PRKCE: variants seen among roughly 807,000 people sequenced by gnomAD.
PRKCE encodes the protein protein kinase C epsilon type.
In PRKCE, 16 loss-of-function variants were observed where a neutral mutation model predicts 85.4. That is an observed-to-expected ratio of 0.19 (90% CI 0.13 to 0.28). PRKCE has a LOEUF of 0.28. Ranked by LOEUF, PRKCE falls within the 10% of genes least tolerant of loss-of-function variation. The pLI is 1.00. For synonymous variants in PRKCE, 388 were observed against 371.5 expected, an observed-to-expected ratio of 1.04 and a Z score of -0.51; for missense variants, 573 against 975.2, an observed-to-expected ratio of 0.59 and a Z score of 5.49.
rs919646081 is a variant in PRKCE, at chr2:45,775,365, C to T, written c.349-67635C>T. 3.9e-5 allele frequency among the ~76,000 whole-genome samples: 6 copies of T among 152,184 alleles called. No homozygotes were observed. The East Asian group carries it at 5.8e-4, about 15-fold the overall frequency. On this transcript the variant is annotated intron_variant, in intron 1 of 14. Coordinates refer to ENST00000306156, the MANE Select transcript of PRKCE (RefSeq NM_005400.3). ...GAAGGTGGACTCCACGCAGTCCGCC[C>T]GTTCTCATGCTTCATGCAGTGCTCA...
At chr2:45,768,469 A>G (rs1685075626) in intron 1 of PRKCE, among the ~76,000 whole-genome samples, 1 of 152,140 alleles carries the variant, frequency 6.6e-6, no homozygotes, top group East Asian at 1.9e-4. Flanking sequence ...GAAATGAAGG[A>G]CATTTTAGCT....
intron 11 of PRKCE, among the ~76,000 whole-genome samples, chr2:46,113,458 T>C (rs1013172090): frequency 6.6e-6 from 1 of 152,086 alleles, no homozygotes; most frequent in African/African-American, 2.4e-5. Flanking sequence ...ATCATAGATA[T>C]TATTATTGTC....
intron 1 of PRKCE, chr2:45,686,292 G>A (rs1021113406): frequency 1.3e-5 from 2 of 152,132 alleles, no homozygotes; most frequent in African/African-American, 4.8e-5. Flanking sequence ...CTTCCGTAAG[G>A]GTTTGCAGAA....
intron 10 of PRKCE, among the ~76,000 whole-genome samples, chr2:46,084,347 C>T (rs1669376874): frequency 6.6e-6 from 1 of 152,098 alleles, no homozygotes; most frequent in East Asian, 1.9e-4. Flanking sequence ...AATAAAGAAG[C>T]TCATTGGTAA....
At position 46,186,741 on chromosome 2, in the gene PRKCE, AAAGCTCGGAC is replaced by A. The variant is rs1680476672; in HGVS notation, c.*1862_*1871del. On this transcript the variant is annotated 3_prime_UTR_variant, in exon 15 of 15. Transcript: ENST00000306156. ...AAGGAATGTTTTTGATGGTGGTTTCAAAGCTCGGACAGTAACTATCTTGAGCCCATTAGAG... is the reference window on the plus strand; with the variant it reads ...AAGGAATGTTTTTGATGGTGGTTTCAAGTAACTATCTTGAGCCCATTAGAG... The A allele has an allele frequency of 1.3e-5, 2 of 152,666 alleles. No individual in the cohort carries two copies. Among genetic ancestry groups the A allele is most frequent in the Admixed American group, 1.3e-4 (2 of 15,288 alleles). 9.5% of individuals were successfully genotyped at this position (152,666 alleles called of 1,614,324 possible).
At chr2:45,695,331 C>T (rs6720782) in intron 1 of PRKCE, among the ~76,000 whole-genome samples, 15,983 of 152,178 alleles carry the variant, frequency 0.11, 942 homozygotes, top group East Asian at 0.14. Flanking sequence ...CAGAGTCAGG[C>T]TGGAGGTAGA....
At chr2:45,957,797 G>A (rs765680348) in intron 2 of PRKCE, among the ~76,000 whole-genome samples, 3 of 151,928 alleles carry the variant, frequency 2.0e-5, no homozygotes, top group African/African-American at 4.8e-5. Context: ...CTGTAGCCCC[G>A]CATACTTGGG....
intron 2 of PRKCE, among the ~76,000 whole-genome samples, chr2:45,860,480 G>A (rs1007062746): frequency 6.6e-6 from 1 of 152,202 alleles, no homozygotes; most frequent in African/African-American, 2.4e-5. Context: ...TTTCTAGGGT[G>A]AGAACAGAAT....
intron 1 of PRKCE, among the ~76,000 whole-genome samples, chr2:45,779,925 C>T (rs1686051410): frequency 6.6e-6 from 1 of 152,166 alleles, no homozygotes; most frequent in East Asian, 1.9e-4. Context: ...ATAAATCTCC[C>T]TCAGCTTCAA....
At chr2:45,657,426 T>A (rs479476) in intron 1 of PRKCE, among the ~76,000 whole-genome samples, 1 of 152,042 alleles carries the variant, frequency 6.6e-6, no homozygotes, top group African/African-American at 2.4e-5. Context: ...GAAATGGGTT[T>A]ACTGTGGGGA....
intron 1 of PRKCE, among the ~76,000 whole-genome samples, chr2:45,698,935 G>GT (rs1354824048): frequency 6.6e-6 from 1 of 152,132 alleles, no homozygotes; most frequent in Non-Finnish European, 1.5e-5. Context: ...TCAGTAGTAG[G>GT]TTAAAATTTA....
chr2:45,919,884 A>G (rs1294646179), intron 2 of PRKCE, among the ~76,000 whole-genome samples: 1 of 152,228 alleles, frequency 6.6e-6, no homozygotes, highest in Non-Finnish European at 1.5e-5. Context: ...GCTCAGGCGA[A>G]CACTAGTGCC....
intron 10 of PRKCE, among the ~76,000 whole-genome samples, chr2:46,044,430 G>A (rs755148755): frequency 2.0e-5 from 3 of 152,166 alleles, no homozygotes; most frequent in Non-Finnish European, 2.9e-5. Context: ...TGCTTTGGGG[G>A]CTTTGATTCA....
At chr2:45,988,845 C>T (rs1703561811) in intron 6 of PRKCE, among the ~76,000 whole-genome samples, 1 of 152,204 alleles carries the variant, frequency 6.6e-6, no homozygotes, top group Non-Finnish European at 1.5e-5. Context: ...ACAGTGCTGC[C>T]TTCTCCAATC....
In PRKCE at chr2:46,000,158, T is replaced by C. The variant is rs553758671; in HGVS notation, c.824-1246T>C. 1.8e-4 allele frequency among the ~76,000 whole-genome samples: 28 copies of C among 152,130 alleles called. No individual in the cohort carries two copies. The East Asian group carries it at 5.4e-3, about 29-fold the overall frequency. On this transcript the variant is annotated intron_variant, in intron 6 of 14. Coordinates refer to ENST00000306156, the MANE Select transcript of PRKCE (RefSeq NM_005400.3). Reference sequence around the variant, plus strand: ...TTTTTTGGGGTTTTTTTGTTTTTTTTTTTCTTTGCCTTTTAGGATGCCTTA... The same window carrying C: ...TTTTTTGGGGTTTTTTTGTTTTTTTCTTTCTTTGCCTTTTAGGATGCCTTA...
chr2:45,824,631 TTTTTA>T (rs1689799704), intron 1 of PRKCE, among the ~76,000 whole-genome samples: 1 of 151,832 alleles, frequency 6.6e-6, no homozygotes, highest in African/African-American at 2.4e-5. Flanking sequence ...CCTCCTTTTC[TTTTTA>T]TTTTATTATG....
chr2:46,113,296 A>G (rs1226893403), intron 11 of PRKCE, among the ~76,000 whole-genome samples: 6 of 152,260 alleles, frequency 3.9e-5, no homozygotes, highest in African/African-American at 1.4e-4. Context: ...CTCTAAAGTC[A>G]GACATCCATG....
intron 12 of PRKCE, among the ~76,000 whole-genome samples, chr2:46,149,236 T>C (rs529327553): frequency 1.3e-5 from 2 of 152,308 alleles, no homozygotes; most frequent in South Asian, 4.1e-4. Context: ...AATTGGAGCC[T>C]TGTCCCCAGC....
intron 11 of PRKCE, among the ~76,000 whole-genome samples, chr2:46,110,147 T>C (rs1672119921): frequency 6.6e-6 from 1 of 152,172 alleles, no homozygotes; most frequent in Non-Finnish European, 1.5e-5. Context: ...GGTCAGTTGT[T>C]ATATTTTCTT....
Sources: allele counts gnomAD v4.1 joint callset (sites outside exome capture counted in the v4.1 genomes callset), GRCh38; gene constraint gnomAD v4.1.1; transcripts MANE v1.5; gene names NCBI Gene and HGNC (gene_info 2026-07-23, HGNC 2026-07-21).